The following FMNL2 variants were observed in gnomAD, a reference collection of about 807,000 sequenced individuals.
FMNL2 encodes the protein formin-like protein 2.
Under a neutral mutation model 130.2 loss-of-function variants are expected in FMNL2, and 51 were observed. The ratio of observed to expected loss-of-function variants is 0.39; its 90% CI spans 0.31 to 0.49. The LOEUF is 0.49. Among genes scored for constraint, FMNL2 ranks in the 20% least tolerant of loss-of-function variants. The probability of loss-of-function intolerance (pLI) is 0.85; values close to 1 mark genes in which losing one functional copy is unlikely to be tolerated. For missense variants in FMNL2, 977 were observed against 1,316.2 expected (o/e 0.74, Z 3.99); for synonymous variants, 465 against 467.1 (o/e 1.00, Z 0.06).
intron 1 of FMNL2, among the ~76,000 whole-genome samples, chr2:152,384,906 C>T (rs1312607179): frequency 2.6e-5 from 4 of 152,200 alleles, no homozygotes; most frequent in African/African-American, 4.8e-5. Context: ...CACTTTGTCT[C>T]CTCATCCTAA....
intron 1 of FMNL2, among the ~76,000 whole-genome samples, chr2:152,349,104 G>C (rs983861402): frequency 6.6e-6 from 1 of 151,690 alleles, no homozygotes; most frequent in Admixed American, 6.6e-5. Context: ...CAAAGTGCTG[G>C]GATTACAGGC....
chr2:152,491,865 C>T (rs574777974), intron 1 of FMNL2, among the ~76,000 whole-genome samples: 49 of 152,198 alleles, frequency 3.2e-4, no homozygotes, highest in African/African-American at 1.1e-3. Flanking sequence ...GCAGGAGAAT[C>T]GCCTGAACTC....
intron 1 of FMNL2, among the ~76,000 whole-genome samples, chr2:152,513,470 C>T (rs879806615): frequency 6.6e-6 from 1 of 152,210 alleles, no homozygotes; most frequent in Non-Finnish European, 1.5e-5. Flanking sequence ...GAAGTCTTTG[C>T]TCTACCATTG....
At chr2:152,618,387 C>T (rs1699063758) in intron 13 of FMNL2, among the ~76,000 whole-genome samples, 1 of 152,124 alleles carries the variant, frequency 6.6e-6, no homozygotes, top group Non-Finnish European at 1.5e-5. Flanking sequence ...GTAGATTATT[C>T]CATGCTTTGC....
intron 1 of FMNL2, among the ~76,000 whole-genome samples, chr2:152,467,021 A>G (rs1579733941): frequency 1.3e-5 from 2 of 152,284 alleles, no homozygotes; most frequent in South Asian, 2.1e-4. Flanking sequence ...ACTTATAGCC[A>G]GAGGGCTGAG....
At position 152,526,153 on chromosome 2, in the gene FMNL2, G is replaced by A. The variant is rs111746334; in HGVS notation, c.201+4127G>A. 1.7e-3 allele frequency among the ~76,000 whole-genome samples: 256 copies of A among 152,254 alleles called. 1 individual carries two copies. The highest frequency in any genetic ancestry group is 5.8e-3 in the African/African-American group (241 of 41,558). On this transcript the variant is annotated intron_variant, in intron 2 of 25. Coordinates refer to ENST00000288670, the MANE Select transcript of FMNL2 (RefSeq NM_052905.4). The stretch of plus-strand genomic sequence containing the variant: ...AAGCTCTTTCCTGCCTAGTAAACAA[G>A]TACTACAGAATCCTGATAAATTAGT...
intron 9 of FMNL2, among the ~76,000 whole-genome samples, chr2:152,589,734 C>T (rs10184459): frequency 0.02 from 2,999 of 151,776 alleles, 98 homozygotes; most frequent in African/African-American, 0.069. Flanking sequence ...TTTCAGTCTC[C>T]GGGCAGGATT....
intron 1 of FMNL2, among the ~76,000 whole-genome samples, chr2:152,447,765 T>A (rs887854470): frequency 4.6e-5 from 7 of 152,172 alleles, no homozygotes; most frequent in Non-Finnish European, 1.0e-4. Context: ...TTCCCTTCCC[T>A]TTCCTCCAGT....
rs780975461 is a variant in FMNL2 at position 152,636,580 on chromosome 2, A to G, written c.2834A>G (p.Lys945Arg). ...GKLKKLQDDA[K>R]IAQDAFDDVV... ...CTGAAGAAGCTGCAGGATGATGCCA[A>G]GATCGCACAGGCAAGTATTGGTGCC... Residue 945 changes from lysine (K) to arginine (R), a missense_variant, in exon 22 of 26, where the codon AAG becomes AGG. Around this residue, in one of 4 missense-constraint regions of FMNL2, gnomAD observed 689 missense variants for 995.9 expected, o/e 0.69. Coordinates refer to ENST00000288670, the MANE Select transcript of FMNL2 (RefSeq NM_052905.4). 6.4e-7 allele frequency: 1 copy of G among 1,560,438 alleles called. No individual in the cohort carries two copies. The highest frequency in any genetic ancestry group is 8.7e-7 in the Non-Finnish European group (1 of 1,151,708).
chr2:152,493,118 G>A (rs1050092738), intron 1 of FMNL2, among the ~76,000 whole-genome samples: 2 of 152,122 alleles, frequency 1.3e-5, no homozygotes, highest in Non-Finnish European at 2.9e-5. Flanking sequence ...GGCACTGTAA[G>A]AATAAGTTCT....
At chr2:152,401,998 C>T (rs60292351) in intron 1 of FMNL2, among the ~76,000 whole-genome samples, 94,696 of 149,774 alleles carry the variant, frequency 0.63, 31,361 homozygotes, top group Non-Finnish European at 0.75. Context: ...CTCCGCCTCC[C>T]GGGCTCACAT....
At chr2:152,629,575 G>A in intron 18 of FMNL2, 81 bp from the exon 19 acceptor site, 1 of 1,308,800 alleles carries the variant, frequency 7.6e-7, no homozygotes, top group Non-Finnish European at 1.1e-6. Context: ...GTTTTCTTCT[G>A]TCTTAATATT....
intron 15 of FMNL2, among the ~76,000 whole-genome samples, chr2:152,621,570 A>G (rs1205332810): frequency 2.0e-5 from 3 of 152,186 alleles, no homozygotes; most frequent in African/African-American, 7.2e-5. Context: ...GTAGGTGGGA[A>G]TACAGGAACT....
rs1683844512 is a variant in FMNL2, at chr2:152,648,904, G to A, written c.*999G>A. The stretch of plus-strand genomic sequence containing the variant: ...CTACTTATGGAGAATTGCAGTTTAA[G>A]TTGCTGAAAAGTATTAACATGGTAT... On this transcript the variant is annotated 3_prime_UTR_variant, in exon 26 of 26. Transcript: ENST00000288670. The A allele has an allele frequency of 6.6e-6, 1 of 152,570 alleles. No individual in the cohort carries two copies. The highest frequency in any genetic ancestry group is 2.4e-5 in the African/African-American group (1 of 41,444). The allele number at this position is 152,570 out of a possible 1,614,324, so 9.5% of individuals were successfully genotyped here. A position where few individuals can be genotyped will look rare whatever the true frequency, so the allele number is the denominator to read the frequency against.
chr2:152,558,810 C>T lies in FMNL2; in HGVS notation c.430C>T (p.Gln144Ter). The change falls in exon 5 of 26, where the codon CAG (glutamine) becomes TAG (stop). Residue 144 changes from glutamine (Q) to a stop codon, truncating the protein, a stop_gained. Transcript: ENST00000288670. LOFTEE classifies it high-confidence loss of function. ...DVLVEYLSFAQYAVTFDFESV... is the reference protein window; with the variant it reads ...DVLVEYLSFA ...TCTAGTGGAATATCTCTCATTTGCA[C>T]AGTACGCGGTAACGTAAGTAAAACT... is the stretch of plus-strand genomic sequence containing the variant. 1 of 1,612,720 alleles carries T rather than the reference C, an allele frequency of 6.2e-7. No individual in the cohort carries two copies.
chr2:152,490,994 C>T (rs1038021847), intron 1 of FMNL2, among the ~76,000 whole-genome samples: 1 of 152,140 alleles, frequency 6.6e-6, no homozygotes, highest in African/African-American at 2.4e-5. Flanking sequence ...CTATTAAGCC[C>T]TCTGTGTCCT....
chr2:152,641,362 C>T (rs1384484390), intron 25 of FMNL2, among the ~76,000 whole-genome samples: 1 of 152,190 alleles, frequency 6.6e-6, no homozygotes, highest in Non-Finnish European at 1.5e-5. Context: ...AGGCTTCCAG[C>T]CCAGGGTTGG....
At chr2:152,449,508 C>A (rs1050965649) in intron 1 of FMNL2, among the ~76,000 whole-genome samples, 4 of 152,160 alleles carry the variant, frequency 2.6e-5, no homozygotes, top group African/African-American at 9.7e-5. Context: ...CAGGGAAGCA[C>A]CGGTCAAGGT....
chr2:152,468,369 A>AT (rs1689669329), intron 1 of FMNL2, among the ~76,000 whole-genome samples: 1 of 152,198 alleles, frequency 6.6e-6, no homozygotes, highest in African/African-American at 2.4e-5. Context: ...GTTTAAGTTT[A>AT]TTTCAGTTCA....
Sources: allele counts gnomAD v4.1 joint callset (sites outside exome capture counted in the v4.1 genomes callset), GRCh38; gene constraint gnomAD v4.1.1; regional missense constraint gnomAD v4.1.1; transcripts MANE v1.5; gene names NCBI Gene and HGNC (gene_info 2026-07-23, HGNC 2026-07-21).